UTRN: variants seen among roughly 807,000 people sequenced by gnomAD.
UTRN encodes dystrophin-related protein 1.
UTRN carries 283 observed loss-of-function variants against 463.9 expected under a neutral mutation model. The observed-to-expected ratio is 0.61, with a 90% CI of 0.55 to 0.67. UTRN has a LOEUF of 0.67. UTRN is among the 30% of genes least tolerant of loss of function. The pLI is 0.00. For synonymous variants in UTRN, 1,442 were observed against 1,431.5 expected (o/e 1.01, Z -0.17); for missense variants, 3,922 against 4,084.3 (o/e 0.96, Z 1.08).
chr6:144,661,200 G>A (rs916769205), intron 51 of UTRN, among the ~76,000 whole-genome samples: 1 of 152,174 alleles, frequency 6.6e-6, no homozygotes, highest in South Asian at 2.1e-4. Flanking sequence ...GGACTGGATT[G>A]AGTCATTAAA....
chr6:144,766,135 C>CCA (rs1419005953), intron 58 of UTRN, among the ~76,000 whole-genome samples: 1 of 151,430 alleles, frequency 6.6e-6, no homozygotes, highest in South Asian at 2.1e-4. Context: ...ACACCCACAC[C>CCA]CACACACACA....
chr6:144,324,429 C>G (rs1337234295), intron 2 of UTRN, among the ~76,000 whole-genome samples: 2 of 152,098 alleles, frequency 1.3e-5, no homozygotes, highest in Admixed American at 1.3e-4. Flanking sequence ...TATAGGAAAT[C>G]ACTGCATATT....
chr6:144,429,873 G>A (rs1158212502), intron 9 of UTRN, 132 bp downstream of exon 9: 8 of 922,674 alleles, frequency 8.7e-6, no homozygotes, highest in Non-Finnish European at 1.3e-5. Flanking sequence ...ATTTGCATAA[G>A]AAGTTCAGCT....
intron 51 of UTRN, among the ~76,000 whole-genome samples, chr6:144,631,396 C>G (rs1776507087): frequency 6.6e-6 from 1 of 152,004 alleles, no homozygotes; most frequent in Admixed American, 6.6e-5. Context: ...GCTTATATTC[C>G]AAATATTGGA....
At chr6:144,549,001 C>A in intron 47 of UTRN, 147 bp downstream of exon 47, 1 of 778,302 alleles carries the variant, frequency 1.3e-6, no homozygotes, top group Non-Finnish European at 2.0e-6. Flanking sequence ...TCAGGGCTAA[C>A]TACAAAGCAT....
chr6:144,422,027 A>G, intron 4 of UTRN, 57 bp downstream of exon 4: 1 of 1,451,296 alleles, frequency 6.9e-7, no homozygotes, highest in East Asian at 2.4e-5. Flanking sequence ...ATACTTGATG[A>G]CCCAGTGTGG....
chr6:144,529,796 T>G (rs1196022481), intron 41 of UTRN, among the ~76,000 whole-genome samples: 1 of 152,010 alleles, frequency 6.6e-6, no homozygotes, highest in Non-Finnish European at 1.5e-5. Flanking sequence ...ATTTAAAAAA[T>G]ATATATTTTA....
intron 51 of UTRN, among the ~76,000 whole-genome samples, chr6:144,593,045 A>C (rs1803269735): frequency 6.6e-6 from 1 of 152,202 alleles, no homozygotes; most frequent in African/African-American, 2.4e-5. Context: ...ATGTCAGAGA[A>C]GTGTTAGTAC....
At chr6:144,631,901 T>A (rs766199093) in intron 51 of UTRN, among the ~76,000 whole-genome samples, 118 of 152,226 alleles carry the variant, frequency 7.8e-4, no homozygotes, top group Non-Finnish European at 3.5e-4. Context: ...AAATTTTCCA[T>A]GGTGAAGAAA....
At chr6:144,819,911 C>CCTCCTCCTCCTCCTCCTCTCTCTCT (rs11397588) in intron 65 of UTRN, among the ~76,000 whole-genome samples, 41 of 118,542 alleles carry the variant, frequency 3.5e-4, no homozygotes, top group African/African-American at 1.3e-3. Context: ...TCCTCCTCCT[C>CCTCCTCCTCCTCCTCCTCTCTCTCT]CTCTCTCTCT....
intron 65 of UTRN, among the ~76,000 whole-genome samples, chr6:144,816,108 A>T (rs1467559322): frequency 6.6e-6 from 1 of 152,192 alleles, no homozygotes; most frequent in Non-Finnish European, 1.5e-5. Context: ...TATCAAGAGG[A>T]CAGACGAAAG....
chr6:144,713,869 G>A (rs143359322), intron 53 of UTRN, among the ~76,000 whole-genome samples: 5,054 of 144,138 alleles, frequency 0.035, 274 homozygotes, highest in African/African-American at 0.12. Context: ...GCGGTGAGCC[G>A]AGATCGCGCC....
chr6:144,467,826 A>ATAT lies in UTRN; in HGVS notation c.3066+4961_3066+4962insATT, dbSNP rs796257216. On this transcript the variant is annotated intron_variant, in intron 23 of 74. Coordinates refer to ENST00000367545, the MANE Select transcript of UTRN (RefSeq NM_007124.3). The stretch of plus-strand genomic sequence containing the variant: ...CACATTTTACTTTACTGAAGGGAAT[A>ATAT]TTCATATATTCCCTTCCTTAGATTT... Among the ~76,000 whole-genome samples, 18 of 152,034 alleles carry ATAT rather than the reference A, an allele frequency of 1.2e-4. No individual in the cohort carries two copies. In the East Asian group the frequency reaches 2.5e-3, roughly 21 times the overall value.
chr6:144,391,876 G>A (rs747822234), intron 2 of UTRN, among the ~76,000 whole-genome samples: 29 of 152,182 alleles, frequency 1.9e-4, no homozygotes, highest in Admixed American at 3.3e-4. Flanking sequence ...TCCTGACCTC[G>A]TGATCTGCCC....
chr6:144,604,155 A>G (rs1303596888), intron 51 of UTRN, among the ~76,000 whole-genome samples: 2 of 152,178 alleles, frequency 1.3e-5, no homozygotes, highest in Non-Finnish European at 2.9e-5. Flanking sequence ...CATATCTCTG[A>G]GCTCGTAAGG....
chr6:144,536,975 T>A (rs1797594044), intron 43 of UTRN, among the ~76,000 whole-genome samples: 2 of 152,096 alleles, frequency 1.3e-5, no homozygotes, highest in Admixed American at 6.5e-5. Flanking sequence ...TTTCTATATC[T>A]CTTTTTGTAA....
Position 144,431,684 on chromosome 6 carries a change from GCTGGTCACTAACTTTC to G in UTRN, c.855+1949_855+1964del, listed in dbSNP as rs1257385936. On this transcript the variant is annotated intron_variant, in intron 9 of 74. Transcript: ENST00000367545. ...CTGGTGCCTATCTCAGTGACCTTTG[GCTGGTCACTAACTTTC>G]CTGGTTCTTAGAAATTCTCATTATA... is the stretch of plus-strand genomic sequence containing the variant. Among the ~76,000 whole-genome samples the G allele has an allele frequency of 5.3e-5, 8 of 152,260 alleles. No homozygotes were observed. The East Asian group carries it at 1.5e-3, about 29-fold the overall frequency.
chr6:144,538,774 A>G (rs1280010362), intron 44 of UTRN, among the ~76,000 whole-genome samples: 1 of 152,188 alleles, frequency 6.6e-6, no homozygotes, highest in African/African-American at 2.4e-5. Flanking sequence ...TCTATAAAGG[A>G]GTATGATTGA....
chr6:144,454,867 A>C (rs1788665163), intron 19 of UTRN, among the ~76,000 whole-genome samples: 1 of 152,166 alleles, frequency 6.6e-6, no homozygotes, highest in South Asian at 2.1e-4. Context: ...TGTTTTGACA[A>C]ATAGATATAC....
Sources: allele counts gnomAD v4.1 joint callset (sites outside exome capture counted in the v4.1 genomes callset), GRCh38; gene constraint gnomAD v4.1.1; transcripts MANE v1.5; gene names NCBI Gene and HGNC (gene_info 2026-07-23, HGNC 2026-07-21).